PRKG1: variants seen among roughly 807,000 people sequenced by gnomAD.
The protein encoded by PRKG1 is protein kinase cGMP-dependent 1.
In PRKG1, 35 loss-of-function variants were observed where a neutral mutation model predicts 88.1. The observed-to-expected ratio is 0.40, with a 90% CI of 0.30 to 0.53. The LOEUF is 0.53. Ranked by LOEUF, PRKG1 falls within the 20% of genes least tolerant of loss-of-function variation. The pLI, the probability that PRKG1 is intolerant of heterozygous loss-of-function variation, is 0.59. For synonymous variants in PRKG1, 303 were observed against 292.5 expected (o/e 1.04, Z -0.37); for missense variants, 540 against 839.8 (o/e 0.64, Z 4.41).
chr10:51,823,885 T>C (rs111382236), intron 4 of PRKG1, among the ~76,000 whole-genome samples: 1 of 146,820 alleles, frequency 6.8e-6, no homozygotes, highest in South Asian at 2.2e-4. Flanking sequence ...TTTTTTTTTT[T>C]TTTTTTAAGA....
intron 7 of PRKG1, among the ~76,000 whole-genome samples, chr10:52,085,316 G>GA (rs1343395182): frequency 2.1e-5 from 3 of 142,066 alleles, no homozygotes; most frequent in Middle Eastern, 3.5e-3. Context: ...CCTTTCAGAA[G>GA]AAATATTTTT....
At chr10:51,604,841 T>A (rs1838716039) in intron 3 of PRKG1, among the ~76,000 whole-genome samples, 1 of 152,192 alleles carries the variant, frequency 6.6e-6, no homozygotes, top group Non-Finnish European at 1.5e-5. Context: ...GTGCGCTCTT[T>A]CAGCTATGCC....
intron 2 of PRKG1, among the ~76,000 whole-genome samples, chr10:51,306,398 T>A (rs1418224099): frequency 6.6e-6 from 1 of 152,190 alleles, no homozygotes; most frequent in Non-Finnish European, 1.5e-5. Context: ...CTCTTCAACT[T>A]TCCATATAAA....
chr10:51,950,230 C>T (rs1316477667), intron 5 of PRKG1, among the ~76,000 whole-genome samples: 1 of 152,198 alleles, frequency 6.6e-6, no homozygotes, highest in Non-Finnish European at 1.5e-5. Flanking sequence ...ATACATCTAT[C>T]TTTTCTCTTT....
chr10:51,053,214 C>T (rs940999881), intron 1 of PRKG1, among the ~76,000 whole-genome samples: 3 of 150,716 alleles, frequency 2.0e-5, no homozygotes, highest in South Asian at 4.2e-4. Flanking sequence ...TGGGCGATAG[C>T]GCAAGACTCT....
intron 5 of PRKG1, among the ~76,000 whole-genome samples, chr10:51,949,087 G>A (rs1019448844): frequency 6.6e-6 from 1 of 152,138 alleles, no homozygotes; most frequent in South Asian, 2.1e-4. Flanking sequence ...ACTAAAGATT[G>A]CCTTCAATAT....
At chr10:51,684,546 T>A (rs1840936560) in intron 3 of PRKG1, among the ~76,000 whole-genome samples, 2 of 152,108 alleles carry the variant, frequency 1.3e-5, no homozygotes, top group South Asian at 4.1e-4. Flanking sequence ...TTGTTTAAAT[T>A]AGATATTGAC....
At chr10:51,927,443 G>A (rs1403806164) in intron 5 of PRKG1, among the ~76,000 whole-genome samples, 1 of 152,130 alleles carries the variant, frequency 6.6e-6, no homozygotes, top group Non-Finnish European at 1.5e-5. Context: ...TCTTGGGTAT[G>A]TCTTTATCAG....
In PRKG1 at chr10:52,104,763, T is replaced by A. The variant is rs575276060; in HGVS notation, c.936-29077T>A. Among the ~76,000 whole-genome samples, 6 of 152,326 alleles carry A rather than the reference T, an allele frequency of 3.9e-5. No individual in the cohort carries two copies. In the South Asian group the frequency reaches 1.2e-3, roughly 32 times the overall value. ...TAAGACACATTATCATATTAATTACTCTATTAATTTATGCTACCCTATCAG... is the reference window on the plus strand; with the variant it reads ...TAAGACACATTATCATATTAATTACACTATTAATTTATGCTACCCTATCAG... On this transcript the variant is annotated intron_variant, in intron 7 of 17. Coordinates refer to ENST00000373980, the MANE Select transcript of PRKG1 (RefSeq NM_006258.4).
chr10:51,438,405 C>T (rs190284321), intron 2 of PRKG1, among the ~76,000 whole-genome samples: 247 of 151,962 alleles, frequency 1.6e-3, no homozygotes, highest in African/African-American at 5.8e-3. Context: ...GAAGATAGAA[C>T]TTTATGATGT....
chr10:51,590,075 AC>A (rs1429699629), intron 3 of PRKG1, among the ~76,000 whole-genome samples: 1 of 152,180 alleles, frequency 6.6e-6, no homozygotes, highest in Non-Finnish European at 1.5e-5. Flanking sequence ...TGTGTGTTTA[AC>A]AAGCAGAACT....
chr10:51,045,655 C>CAT (rs1843480228), intron 1 of PRKG1, among the ~76,000 whole-genome samples: 1 of 152,154 alleles, frequency 6.6e-6, no homozygotes, highest in Admixed American at 6.5e-5. Context: ...TGTCCTTGTC[C>CAT]ATATGCACAT....
rs555045037 is a variant in PRKG1 at position 52,285,197 on chromosome 10, A to G, written c.1709+2881A>G. 7.9e-5 allele frequency among the ~76,000 whole-genome samples: 12 copies of G among 151,992 alleles called. No homozygotes were observed. The South Asian group carries it at 2.1e-3, about 26-fold the overall frequency. On this transcript the variant is annotated intron_variant, in intron 14 of 17. Transcript: ENST00000373980. ...GCTCAAGGATCCATCTCCCCCACCA[A>G]CTTAGGAAAAGATGAATTTATCTCC...
chr10:51,471,872 G>T (rs1840057639), intron 3 of PRKG1, among the ~76,000 whole-genome samples: 1 of 151,788 alleles, frequency 6.6e-6, no homozygotes, highest in Admixed American at 6.6e-5. Flanking sequence ...ACCACAGAAA[G>T]TTATCTACAA....
intron 2 of PRKG1, among the ~76,000 whole-genome samples, chr10:51,413,158 A>G (rs1363004557): frequency 6.6e-6 from 1 of 152,174 alleles, no homozygotes; most frequent in Non-Finnish European, 1.5e-5. Context: ...CCCATTCCAA[A>G]CTAAATGATA....
Position 52,114,449 on chromosome 10 carries a change from G to A in PRKG1, c.936-19391G>A, listed in dbSNP as rs116441920. ...TCTGTCACATATTTTAGTTCTTTTC[G>A]TTCTTTTTTTTTTCCTTTCAAACAA... On this transcript the variant is annotated intron_variant, in intron 7 of 17. Transcript: ENST00000373980. Among the ~76,000 whole-genome samples the A allele has an allele frequency of 6.8e-3, 1,028 of 151,348 alleles. 12 individuals are homozygous for A. Among genetic ancestry groups the A allele is most frequent in the African/African-American group, 0.024 (981 of 41,244 alleles).
intron 4 of PRKG1, among the ~76,000 whole-genome samples, chr10:51,818,985 C>T (rs1280686112): frequency 1.5e-5 from 1 of 67,872 alleles, no homozygotes; most frequent in Non-Finnish European, 2.2e-5. Context: ...CCAGCCTGGG[C>T]GACAGAGCGA....
At chr10:51,367,728 C>T (rs931811098) in intron 2 of PRKG1, among the ~76,000 whole-genome samples, 5 of 151,926 alleles carry the variant, frequency 3.3e-5, no homozygotes, top group African/African-American at 7.2e-5. Context: ...ATGTAAATTG[C>T]TCTTCTGTGA....
chr10:51,564,220 A>C (rs970769842), intron 3 of PRKG1, among the ~76,000 whole-genome samples: 3 of 148,918 alleles, frequency 2.0e-5, no homozygotes, highest in African/African-American at 7.8e-5. Flanking sequence ...AGGCAAAACA[A>C]AACAAAACAA....
Sources: allele counts gnomAD v4.1 joint callset (sites outside exome capture counted in the v4.1 genomes callset), GRCh38; gene constraint gnomAD v4.1.1; transcripts MANE v1.5; gene names NCBI Gene and HGNC (gene_info 2026-07-23, HGNC 2026-07-21).